WWOX: variants seen among roughly 807,000 people sequenced by gnomAD.
The protein encoded by WWOX is WW domain-containing oxidoreductase.
Under a neutral mutation model 46.2 loss-of-function variants are expected in WWOX, and 69 were observed. That is an observed-to-expected ratio of 1.49 (90% CI 1.23 to 1.82). WWOX has a LOEUF of 1.82. WWOX is among the 40% of genes most tolerant of loss of function. The pLI is 0.00. For synonymous variants in WWOX, 359 were observed against 202.6 expected (o/e 1.77, Z -6.56); for missense variants, 919 against 542.6 (o/e 1.69, Z -6.89).
intron 4 of WWOX, among the ~76,000 whole-genome samples, chr16:78,138,287 C>T (rs1368286922): frequency 4.0e-5 from 6 of 150,794 alleles, no homozygotes; most frequent in African/African-American, 2.4e-5. Context: ...AAAATTATTT[C>T]TCAGATTAAG....
At chr16:78,167,251 G>C (rs1056956375) in intron 5 of WWOX, 1 of 152,206 alleles carries the variant, frequency 6.6e-6, no homozygotes, top group Non-Finnish European at 1.5e-5. Flanking sequence ...TTAGCGATGA[G>C]ACCTTGGGTA....
chr16:79,066,439 C>A (rs2048443259), intron 8 of WWOX, among the ~76,000 whole-genome samples: 1 of 152,026 alleles, frequency 6.6e-6, no homozygotes, highest in African/African-American at 2.4e-5. Flanking sequence ...CGCAATTAGG[C>A]TCACAGTTGA....
rs147987414 is a variant in WWOX at position 79,192,644 on chromosome 16, C to G, written c.1057-18964C>G. 2.5e-3 allele frequency among the ~76,000 whole-genome samples: 386 copies of G among 152,308 alleles called. 2 individuals carry two copies. The highest frequency in any genetic ancestry group is 8.9e-3 in the African/African-American group (369 of 41,564). ...ACTGATTTGTGTGGCCCTATGCTTACAAGTGGAGCCTTTCCCTCATTTTTG... is the reference window on the plus strand; with the variant it reads ...ACTGATTTGTGTGGCCCTATGCTTAGAAGTGGAGCCTTTCCCTCATTTTTG... On this transcript the variant is annotated intron_variant, in intron 8 of 8. Transcript: ENST00000566780.
chr16:78,467,230 A>AGAGGGCTTTTTTCT (rs2084101314), intron 8 of WWOX, among the ~76,000 whole-genome samples: 1 of 152,194 alleles, frequency 6.6e-6, no homozygotes, highest in African/African-American at 2.4e-5. Flanking sequence ...CCTTTCTGGC[A>AGAGGGCTTTTTTCT]GAGGGCTTTT....
At chr16:79,173,878 G>A (rs1305014108) in intron 8 of WWOX, among the ~76,000 whole-genome samples, 1 of 152,200 alleles carries the variant, frequency 6.6e-6, no homozygotes, top group Non-Finnish European at 1.5e-5. Flanking sequence ...GGAGAGGACG[G>A]TGGGTGATAT....
intron 8 of WWOX, among the ~76,000 whole-genome samples, chr16:78,468,320 T>C (rs2084132464): frequency 6.6e-6 from 1 of 151,544 alleles, no homozygotes; most frequent in African/African-American, 2.4e-5. Flanking sequence ...CTCCAGACTG[T>C]GAGGCCCCAC....
chr16:78,444,515 T>C (rs1043016861), intron 8 of WWOX, among the ~76,000 whole-genome samples: 13 of 151,132 alleles, frequency 8.6e-5, no homozygotes, highest in Non-Finnish European at 1.9e-4. Flanking sequence ...GATACAGTTA[T>C]GGGATGAGGA....
Position 78,425,138 on chromosome 16 carries a change from A to G in WWOX, c.791+83A>G, listed in dbSNP as rs547754277. On this transcript the variant is annotated intron_variant, in intron 7 of 8. Coordinates refer to ENST00000566780, the MANE Select transcript of WWOX (RefSeq NM_016373.4). ...CCCCAAGGCTCTCATTCTGAAAATA[A>G]TTTTCATTAGTCCTGCTTGAGACAT... 5.1e-6 allele frequency: 8 copies of G among 1,574,924 alleles called. No homozygotes were observed. The South Asian group carries it at 7.8e-5, about 15-fold the overall frequency.
intron 8 of WWOX, among the ~76,000 whole-genome samples, chr16:78,739,549 C>T (rs767107243): frequency 2.0e-5 from 3 of 152,226 alleles, no homozygotes; most frequent in East Asian, 1.9e-4. Context: ...TGGTGGCTCA[C>T]GCCTGTAATC....
intron 8 of WWOX, among the ~76,000 whole-genome samples, chr16:79,071,464 C>G (rs569711194): frequency 6.6e-6 from 1 of 152,164 alleles, no homozygotes. Context: ...CACCAATTAC[C>G]CAAACCAAGT....
chr16:78,957,552 C>T (rs147010684), intron 8 of WWOX, among the ~76,000 whole-genome samples: 34 of 152,258 alleles, frequency 2.2e-4, no homozygotes, highest in African/African-American at 7.2e-4. Context: ...CCTTTAATCT[C>T]GGGTCTTCTT....
intron 8 of WWOX, among the ~76,000 whole-genome samples, chr16:79,037,231 T>TTC (rs148734515): frequency 2.6e-5 from 4 of 152,188 alleles, no homozygotes; most frequent in Admixed American, 1.3e-4. Flanking sequence ...CATTTGTTCG[T>TTC]TCTCTCTCTC....
Position 78,820,589 on chromosome 16 carries a change from A to T in WWOX, c.1056+387837A>T, listed in dbSNP as rs57600712. Among the ~76,000 whole-genome samples, 4 of 152,238 alleles carry T rather than the reference A, an allele frequency of 2.6e-5. No individual in the cohort carries two copies. The South Asian group carries it at 8.3e-4, about 32-fold the overall frequency. ...TTAGGATTAGTGTGGCCCTTCCTTGAAATATAATGACAACCTTGGTGAAAG... is the reference window on the plus strand; with the variant it reads ...TTAGGATTAGTGTGGCCCTTCCTTGTAATATAATGACAACCTTGGTGAAAG... On this transcript the variant is annotated intron_variant, in intron 8 of 8. Coordinates refer to ENST00000566780, the MANE Select transcript of WWOX (RefSeq NM_016373.4).
At chr16:78,404,891 TA>T (rs2082491273) in intron 6 of WWOX, among the ~76,000 whole-genome samples, 1 of 152,192 alleles carries the variant, frequency 6.6e-6, no homozygotes, top group African/African-American at 2.4e-5. Flanking sequence ...ACCAGAACTG[TA>T]ACACCAAGGA....
Position 79,083,425 on chromosome 16 carries a change from A to G in WWOX, c.1057-128183A>G, listed in dbSNP as rs150800130. Among the ~76,000 whole-genome samples the G allele has an allele frequency of 6.4e-3, 974 of 152,280 alleles. 10 individuals are homozygous for G. The highest frequency in any genetic ancestry group is 0.024 in the Middle Eastern group (7 of 294). On this transcript the variant is annotated intron_variant, in intron 8 of 8. Coordinates refer to ENST00000566780, the MANE Select transcript of WWOX (RefSeq NM_016373.4). ...AGTCAACAGAGCTTCCCTGTTGGCC[A>G]TTACTAATGTCAAGAACAAAGCTGT...
At chr16:78,687,391 G>T (rs2047888016) in intron 8 of WWOX, among the ~76,000 whole-genome samples, 1 of 152,128 alleles carries the variant, frequency 6.6e-6, no homozygotes, top group East Asian at 1.9e-4. Flanking sequence ...TTTTCAGTGT[G>T]GCCTGAGATT....
intron 8 of WWOX, among the ~76,000 whole-genome samples, chr16:78,982,009 T>C (rs1459171621): frequency 6.6e-6 from 1 of 152,190 alleles, no homozygotes; most frequent in Admixed American, 6.5e-5. Flanking sequence ...AATCTCAGTT[T>C]CAACATCTGT....
chr16:79,074,316 C>CA (rs1217621577), intron 8 of WWOX, among the ~76,000 whole-genome samples: 1 of 150,912 alleles, frequency 6.6e-6, no homozygotes, highest in East Asian at 1.9e-4. Flanking sequence ...CCCCATTTCC[C>CA]ACACTTTAAA....
chr16:78,577,903 G>A (rs1353353103), intron 8 of WWOX, among the ~76,000 whole-genome samples: 1 of 152,056 alleles, frequency 6.6e-6, no homozygotes, highest in Non-Finnish European at 1.5e-5. Flanking sequence ...ATATTCAAGG[G>A]TGGTTTCTTG....
Sources: allele counts gnomAD v4.1 joint callset (sites outside exome capture counted in the v4.1 genomes callset), GRCh38; gene constraint gnomAD v4.1.1; transcripts MANE v1.5; gene names NCBI Gene and HGNC (gene_info 2026-07-23, HGNC 2026-07-21).